The following MTAP variants were observed in gnomAD, a reference collection of about 807,000 sequenced individuals.
MTAP encodes the protein methylthioadenosine phosphorylase, also known as S-methyl-5'-thioadenosine phosphorylase.
In MTAP, 33 loss-of-function variants were observed where a neutral mutation model predicts 33.6. The ratio of observed to expected loss-of-function variants is 0.98; its 90% CI spans 0.74 to 1.31. The LOEUF (loss-of-function observed/expected upper bound fraction) is 1.31. Among genes scored for constraint, MTAP ranks in the 40% most tolerant of loss-of-function variants. The probability of loss-of-function intolerance (pLI) is 0.00; values close to 1 mark genes in which losing one functional copy is unlikely to be tolerated. For missense variants in MTAP, 367 were observed against 360.0 expected (o/e 1.02, Z -0.16); for synonymous variants, 148 against 125.7 (o/e 1.18, Z -1.19).
At chr9:21,903,907 C>T (rs1251512083) in intron 1 of MTAP, among the ~76,000 whole-genome samples, 1 of 152,184 alleles carries the variant, frequency 6.6e-6, no homozygotes, top group Non-Finnish European at 1.5e-5. Context: ...AAGTAGACCC[C>T]CTTTCTTATC....
At chr9:21,856,783 G>T (rs1248089600) in intron 6 of MTAP, among the ~76,000 whole-genome samples, 2 of 152,224 alleles carry the variant, frequency 1.3e-5, no homozygotes, top group Non-Finnish European at 2.9e-5. Context: ...CCAATCGTGT[G>T]TTGCAGCCTG....
In MTAP at chr9:21,833,140, C is replaced by G. The variant is rs777166719; in HGVS notation, c.348-4768C>G. Among the ~76,000 whole-genome samples, 22 of 152,104 alleles carry G rather than the reference C, an allele frequency of 1.4e-4. 1 individual carries two copies. Among genetic ancestry groups the G allele is most frequent in the Non-Finnish European group, 2.1e-4 (14 of 68,030 alleles). ...CAAGCACTCAGGGGCACTCTTGATA[C>G]CAGAACAGTGGGAGGATCTTAGTGA... On this transcript the variant is annotated intron_variant, in intron 4 of 7. Transcript: ENST00000644715.
downstream of MTAP, chr9:21,932,895 C>T (rs908286512): frequency 3.3e-5 from 5 of 152,158 alleles, no homozygotes; most frequent in Non-Finnish European, 7.3e-5. Context: ...CCCTCCTCTG[C>T]CTAATTACTC....
intron 1 of MTAP, chr9:21,930,637 C>T (rs1423978366): frequency 2.3e-6 from 1 of 429,036 alleles, no homozygotes; most frequent in African/African-American, 2.1e-5. Context: ...AGTTTAATAT[C>T]ATGGCTAAAA....
At chr9:21,913,587 G>T (rs1818623374) in intron 1 of MTAP, among the ~76,000 whole-genome samples, 1 of 152,222 alleles carries the variant, frequency 6.6e-6, no homozygotes, top group South Asian at 2.1e-4. Context: ...GCAGAAAGCT[G>T]AAACTGGACC....
At chr9:21,819,583 T>TA (rs1377763002) in intron 4 of MTAP, among the ~76,000 whole-genome samples, 8 of 152,222 alleles carry the variant, frequency 5.3e-5, no homozygotes, top group African/African-American at 1.4e-4. Flanking sequence ...CTATTGTGAA[T>TA]AGTGCCGCAA....
chr9:21,881,867 T>C (rs1818017452), intron 1 of MTAP, among the ~76,000 whole-genome samples: 1 of 152,010 alleles, frequency 6.6e-6, no homozygotes. Context: ...AGCAATCACA[T>C]CTTTGCATAT....
chr9:21,860,673 A>G (rs933158528), intron 7 of MTAP: 4 of 152,216 alleles, frequency 2.6e-5, no homozygotes, highest in Non-Finnish European at 4.4e-5. Context: ...AAAAAAACGC[A>G]TGTTGGTTTG....
intron 4 of MTAP, among the ~76,000 whole-genome samples, chr9:21,821,299 A>G (rs1342870618): frequency 6.6e-6 from 1 of 152,186 alleles, no homozygotes; most frequent in Non-Finnish European, 1.5e-5. Context: ...GCTACGTCCC[A>G]TCAATACCTA....
At chr9:21,852,747 G>A (rs1471077783) in intron 5 of MTAP, among the ~76,000 whole-genome samples, 1 of 151,442 alleles carries the variant, frequency 6.6e-6, no homozygotes, top group Non-Finnish European at 1.5e-5. Context: ...TTTCCCTTGG[G>A]AAGGGACAGT....
At chr9:21,935,565 G>A (rs138979493), downstream of MTAP, 137 of 152,156 alleles carry the variant, frequency 9.0e-4, no homozygotes, top group Middle Eastern at 3.4e-3. Flanking sequence ...GGGGCAGGAT[G>A]TGACAAAAAT....
At chr9:21,923,648 T>A (rs2518711) in intron 1 of MTAP, among the ~76,000 whole-genome samples, 150,992 of 152,228 alleles carry the variant, frequency 0.99, 74,889 homozygotes, top group Middle Eastern at 1. Flanking sequence ...AGGGAACCTC[T>A]AATACAAAAT....
At chr9:21,893,819 A>G (rs1417538407) in intron 1 of MTAP, 2 of 151,824 alleles carry the variant, frequency 1.3e-5, no homozygotes, top group African/African-American at 4.8e-5. Context: ...TACCATATGT[A>G]AAAAACAAAA....
intron 1 of MTAP, among the ~76,000 whole-genome samples, chr9:21,904,150 G>A (rs1032968725): frequency 6.6e-6 from 1 of 152,142 alleles, no homozygotes. Context: ...GCTGGTCAGT[G>A]GCCTGCCAGT....
At chr9:21,859,052 C>T in intron 6 of MTAP, 1 of 299,726 alleles carries the variant, frequency 3.3e-6, no homozygotes, top group Non-Finnish European at 6.0e-6. Flanking sequence ...TGGAAGGGGC[C>T]CTCGAAGAAT....
intron 1 of MTAP, among the ~76,000 whole-genome samples, chr9:21,899,533 G>T (rs935620713): frequency 2.0e-5 from 3 of 152,114 alleles, no homozygotes; most frequent in Non-Finnish European, 4.4e-5. Context: ...CAGCATGGCT[G>T]GGGAGGCCTC....
intron 4 of MTAP, among the ~76,000 whole-genome samples, chr9:21,837,169 G>C (rs1825131221): frequency 6.6e-6 from 1 of 152,150 alleles, no homozygotes; most frequent in Non-Finnish European, 1.5e-5. Context: ...CTTGAACTAA[G>C]ACACTTTAGA....
At chr9:21,911,101 C>T (rs1818568941) in intron 1 of MTAP, among the ~76,000 whole-genome samples, 1 of 152,122 alleles carries the variant, frequency 6.6e-6, no homozygotes, top group Non-Finnish European at 1.5e-5. Flanking sequence ...TATATATGCA[C>T]CCAATACAGG....
intron 7 of MTAP, chr9:21,859,659 G>A (rs527297586): frequency 6.3e-5 from 24 of 383,872 alleles, no homozygotes; most frequent in Admixed American, 3.2e-4. Context: ...TTATTATCTC[G>A]TGTACCAGAT....
Sources: allele counts gnomAD v4.1 joint callset (sites outside exome capture counted in the v4.1 genomes callset), GRCh38; gene constraint gnomAD v4.1.1; transcripts MANE v1.5; gene names NCBI Gene and HGNC (gene_info 2026-07-23, HGNC 2026-07-21).